PCDHGA12: variants seen among roughly 807,000 people sequenced by gnomAD.
PCDHGA12 encodes protocadherin gamma-A12.
PCDHGA12 carries 43 observed loss-of-function variants against 61.1 expected under a neutral mutation model. The observed-to-expected ratio is 0.70, with a 90% CI of 0.55 to 0.91. The LOEUF is 0.91. Ranked by LOEUF, PCDHGA12 falls within the 40% of genes least tolerant of loss-of-function variation. The pLI is 0.00. For missense variants in PCDHGA12, 1,236 were observed against 1,227.7 expected, an observed-to-expected ratio of 1.01 and a Z score of -0.10; for synonymous variants, 520 against 542.9, an observed-to-expected ratio of 0.96 and a Z score of 0.59.
At chr5:141,509,574 G>A (rs554778751) in intron 3 of PCDHGA12, among the ~76,000 whole-genome samples, 7 of 152,182 alleles carry the variant, frequency 4.6e-5, no homozygotes, top group Non-Finnish European at 5.9e-5. Flanking sequence ...TTCACAGTGC[G>A]TACAAATCAG....
chr5:141,456,700 C>G (rs1420857227), intron 1 of PCDHGA12, among the ~76,000 whole-genome samples: 2 of 152,060 alleles, frequency 1.3e-5, no homozygotes, highest in Admixed American at 1.3e-4. Flanking sequence ...CGTGGTGGCT[C>G]GCGCCTGTAA....
At chr5:141,450,006 CTTTTTTT>C (rs1554136305) in intron 1 of PCDHGA12, among the ~76,000 whole-genome samples, 12 of 132,986 alleles carry the variant, frequency 9.0e-5, no homozygotes, top group Non-Finnish European at 1.7e-4. Context: ...TGCCATGTCT[CTTTTTTT>C]TTTTTTTTTT....
intron 2 of PCDHGA12, among the ~76,000 whole-genome samples, chr5:141,497,522 G>A (rs998999424): frequency 3.3e-5 from 5 of 150,848 alleles, no homozygotes; most frequent in African/African-American, 4.9e-5. Flanking sequence ...TAGTTAACTT[G>A]TGGAGGATGC....
In PCDHGA12 at chr5:141,472,980, C is replaced by CAAAA. The variant is rs60579131; in HGVS notation, c.2425-21813_2425-21810dup. ...CAGCCTGGGGAACAAGAGTGAAACT[C>CAAAA]AAAAAAAAAAAAAAAAAGAAAGAAA... On this transcript the variant is annotated intron_variant, in intron 1 of 3. Transcript: ENST00000252085. 5.5e-3 allele frequency among the ~76,000 whole-genome samples: 472 copies of CAAAA among 85,978 alleles called. 4 individuals carry two copies. The highest frequency in any genetic ancestry group is 0.013 in the Admixed American group (104 of 8,158). The allele number at this position is 85,978 out of a possible 152,430, so 56.4% of individuals were successfully genotyped here. A position where few individuals can be genotyped will look rare whatever the true frequency, so the allele number is the denominator to read the frequency against.
rs1332550435 is a variant in PCDHGA12 at position 141,430,641 on chromosome 5, T to C, written c.-119T>C. On this transcript the variant is annotated 5_prime_UTR_variant, in exon 1 of 4. Coordinates refer to ENST00000252085, the MANE Select transcript of PCDHGA12 (RefSeq NM_003735.3). ...GCTAGGAATGAACCATCCCTGGGAG[T>C]ATGTGGAAACAACGGAGGAGCTCTG... is the stretch of plus-strand genomic sequence containing the variant. 2.2e-6 allele frequency: 2 copies of C among 902,672 alleles called. No individual in the cohort carries two copies. Among genetic ancestry groups the C allele is most frequent in the East Asian group, 5.4e-5 (2 of 36,820 alleles). The allele number at this position is 902,672 out of a possible 1,614,324, so 55.9% of individuals were successfully genotyped here.
intron 3 of PCDHGA12, among the ~76,000 whole-genome samples, chr5:141,509,065 T>A (rs1294546432): frequency 6.6e-6 from 1 of 152,018 alleles, no homozygotes; most frequent in Non-Finnish European, 1.5e-5. Context: ...AGCTCTCAGC[T>A]CCGGGGATTT....
At position 141,476,456 on chromosome 5, in the gene PCDHGA12, A is replaced by C; in HGVS notation, c.2425-18351A>C. The C allele has an allele frequency of 6.2e-7, 1 of 1,614,058 alleles. No homozygotes were observed. Among genetic ancestry groups the C allele is most frequent in the Non-Finnish European group, 8.5e-7 (1 of 1,180,010 alleles). On this transcript the variant is annotated intron_variant, in intron 1 of 3. Transcript: ENST00000252085. The surrounding 1 kb of genome is among the most constrained non-coding windows in gnomAD (Gnocchi z 7.6). ...TGTAACTCTGGAGTTGGTAGTGGAGAACCCGCTGGAGCTGTTCAGCGTGGA... is the reference window on the plus strand; with the variant it reads ...TGTAACTCTGGAGTTGGTAGTGGAGCACCCGCTGGAGCTGTTCAGCGTGGA...
intron 2 of PCDHGA12, among the ~76,000 whole-genome samples, chr5:141,500,184 TTTTATTTA>T (rs58019021): frequency 0.099 from 13,469 of 135,812 alleles, 757 homozygotes; most frequent in African/African-American, 0.15. Context: ...TCATTTTTAT[TTTTATTTA>T]TTTATTTATT....
intron 1 of PCDHGA12, among the ~76,000 whole-genome samples, chr5:141,483,725 C>T (rs903001715): frequency 1.3e-5 from 2 of 152,008 alleles, no homozygotes; most frequent in Non-Finnish European, 1.5e-5. Context: ...TGGTTCCCAC[C>T]ATAGTCAAAA....
At chr5:141,466,871 T>C (rs1432611218) in intron 1 of PCDHGA12, among the ~76,000 whole-genome samples, 2 of 152,166 alleles carry the variant, frequency 1.3e-5, no homozygotes, top group African/African-American at 4.8e-5. Flanking sequence ...ATCCACACAT[T>C]TTTTTCATAA....
chr5:141,511,381 G>A lies in PCDHGA12; in HGVS notation c.*208G>A, dbSNP rs545793377. 97 of 1,170,372 alleles carry A rather than the reference G, an allele frequency of 8.3e-5. No homozygotes were observed. In the East Asian group the frequency reaches 9.2e-4, roughly 11 times the overall value. 72.5% of individuals were successfully genotyped at this position (1,170,372 alleles called of 1,614,324 possible). On this transcript the variant is annotated 3_prime_UTR_variant, in exon 4 of 4. Transcript: ENST00000252085. ...GGGTTGAATATGCAAAAGCAGTTCC[G>A]CTGGGAACCCCCATCCAATCAACTG...
At chr5:141,501,287 T>C (rs1025193070) in intron 2 of PCDHGA12, among the ~76,000 whole-genome samples, 1 of 96,980 alleles carries the variant, frequency 1.0e-5, no homozygotes, top group African/African-American at 4.2e-5. Context: ...GGATATTCCC[T>C]TATACACACA....
rs778589637 is a variant in PCDHGA12 at position 141,487,133 on chromosome 5, C to T, written c.2425-7674C>T. On this transcript the variant is annotated intron_variant, in intron 1 of 3. Coordinates refer to ENST00000252085, the MANE Select transcript of PCDHGA12 (RefSeq NM_003735.3). The surrounding 1 kb of genome is among the most constrained non-coding windows in gnomAD (Gnocchi z 5.0). ...TGTGGTAAAGGATAGTGGTAGTCCA[C>T]CACTCTCTACCTCTGTTACTCTCTT... 8.7e-6 allele frequency: 14 copies of T among 1,613,932 alleles called. No homozygotes were observed. In the South Asian group the frequency reaches 1.5e-4, roughly 18 times the overall value.
intron 3 of PCDHGA12, among the ~76,000 whole-genome samples, chr5:141,509,636 C>T (rs1199892148): frequency 6.6e-6 from 1 of 152,164 alleles, no homozygotes; most frequent in Non-Finnish European, 1.5e-5. Context: ...TGATGCTGAG[C>T]CAGGGCCAGA....
chr5:141,486,884 C>G lies in PCDHGA12; in HGVS notation c.2425-7923C>G, dbSNP rs1272694679. On this transcript the variant is annotated intron_variant, in intron 1 of 3. Transcript: ENST00000252085. The surrounding 1 kb of genome is among the most constrained non-coding windows in gnomAD (Gnocchi z 5.0). ...TCCAGCTGTGCTCCGTCCTCGGGCC[C>G]GGCCTGGTTCCTTATGTCCCCAAGC... The G allele has an allele frequency of 6.2e-7, 1 of 1,614,224 alleles. No homozygotes were observed. The highest frequency in any genetic ancestry group is 8.5e-7 in the Non-Finnish European group (1 of 1,180,046).
chr5:141,505,494 A>G lies in PCDHGA12; in HGVS notation c.2572+13A>G. ...GCGTCCGCCAGTGGTAAGTGGTGTC[A>G]GTGTGTGTATGGAAGAGTGGGAGAC... is the stretch of plus-strand genomic sequence containing the variant. On this transcript the variant is annotated intron_variant, in intron 3 of 3. Transcript: ENST00000252085. The G allele has an allele frequency of 6.8e-6, 11 of 1,614,198 alleles. No homozygotes were observed. Among genetic ancestry groups the G allele is most frequent in the Non-Finnish European group, 9.3e-6 (11 of 1,180,006 alleles).
At chr5:141,496,583 C>A (rs990137003) in intron 2 of PCDHGA12, among the ~76,000 whole-genome samples, 1 of 152,168 alleles carries the variant, frequency 6.6e-6, no homozygotes, top group African/African-American at 2.4e-5. Flanking sequence ...TTTAGGAACG[C>A]AAAGCGCTTC....
intron 1 of PCDHGA12, among the ~76,000 whole-genome samples, chr5:141,457,854 C>A (rs2098930903): frequency 6.6e-6 from 1 of 152,234 alleles, no homozygotes; most frequent in African/African-American, 2.4e-5. Flanking sequence ...AAGTGACATT[C>A]TTCACTGACC....
At chr5:141,504,511 CTCTGATAT>C (rs2099838890) in intron 2 of PCDHGA12, among the ~76,000 whole-genome samples, 1 of 151,902 alleles carries the variant, frequency 6.6e-6, no homozygotes, top group Non-Finnish European at 1.5e-5. Flanking sequence ...AGTGGATCTC[CTCTGATAT>C]ATTTTATTCG....
Sources: allele counts gnomAD v4.1 joint callset (sites outside exome capture counted in the v4.1 genomes callset), GRCh38; gene constraint gnomAD v4.1.1; non-coding constraint Gnocchi (gnomAD v3.1); transcripts MANE v1.5; gene names NCBI Gene and HGNC (gene_info 2026-07-23, HGNC 2026-07-21).